Variants in SPOCK1 observed in about 807,000 individuals in gnomAD.
SPOCK1 encodes the protein testican-1.
In SPOCK1, 23 loss-of-function variants were observed where a neutral mutation model predicts 55.3. That is an observed-to-expected ratio of 0.42 (90% CI 0.30 to 0.59). SPOCK1 has a LOEUF of 0.59. Ranked by LOEUF, SPOCK1 falls within the 20% of genes least tolerant of loss-of-function variation. The pLI is 0.22. For synonymous variants in SPOCK1, 226 were observed against 221.0 expected (o/e 1.02, Z -0.20); for missense variants, 499 against 552.5 (o/e 0.90, Z 0.97).
chr5:137,396,801 A>G (rs1036754735), intron 2 of SPOCK1, among the ~76,000 whole-genome samples: 1 of 152,198 alleles, frequency 6.6e-6, no homozygotes, highest in Non-Finnish European at 1.5e-5. Context: ...TATTAATCTC[A>G]TGTGCATTGA....
At chr5:137,062,674 G>A (rs918060327) in intron 6 of SPOCK1, among the ~76,000 whole-genome samples, 4 of 151,894 alleles carry the variant, frequency 2.6e-5, no homozygotes, top group Admixed American at 2.0e-4. Flanking sequence ...TTTGCTGACG[G>A]GGCTGACTGT....
chr5:137,442,054 A>G (rs1753025667), intron 2 of SPOCK1, among the ~76,000 whole-genome samples: 1 of 152,206 alleles, frequency 6.6e-6, no homozygotes, highest in Non-Finnish European at 1.5e-5. Flanking sequence ...AAAGTCTGTC[A>G]GTGACAGGCC....
At chr5:137,040,210 T>C (rs969013771) in intron 6 of SPOCK1, among the ~76,000 whole-genome samples, 1 of 152,194 alleles carries the variant, frequency 6.6e-6, no homozygotes, top group African/African-American at 2.4e-5. Context: ...CCAGCTGAAG[T>C]GGGCCCACCC....
intron 3 of SPOCK1, among the ~76,000 whole-genome samples, chr5:137,229,137 T>C (rs1165197527): frequency 1.3e-5 from 2 of 152,172 alleles, no homozygotes; most frequent in Non-Finnish European, 2.9e-5. Context: ...CTATCTTGAC[T>C]GGGATACAGC....
intron 2 of SPOCK1, among the ~76,000 whole-genome samples, chr5:137,382,582 T>G (rs1323819941): frequency 6.6e-6 from 1 of 151,964 alleles, no homozygotes; most frequent in African/African-American, 2.4e-5. Flanking sequence ...TGGCAGAAGG[T>G]GAAGGGGAAG....
At chr5:137,348,833 T>C (rs1208690876) in intron 2 of SPOCK1, among the ~76,000 whole-genome samples, 1 of 152,164 alleles carries the variant, frequency 6.6e-6, no homozygotes, top group African/African-American at 2.4e-5. Context: ...TTCTGCAAAC[T>C]GGTGATTTCA....
chr5:137,245,623 G>T (rs1756378862), intron 3 of SPOCK1, among the ~76,000 whole-genome samples: 1 of 152,140 alleles, frequency 6.6e-6, no homozygotes, highest in Non-Finnish European at 1.5e-5. Flanking sequence ...CTTCCGCTTT[G>T]CAAAGGTGCA....
chr5:137,099,036 C>T (rs1265379050), intron 5 of SPOCK1, among the ~76,000 whole-genome samples: 2 of 152,226 alleles, frequency 1.3e-5, no homozygotes, highest in Admixed American at 6.5e-5. Flanking sequence ...GCTTCAAGTA[C>T]AGACTTTCTT....
At chr5:137,123,527 G>A (rs115157961) in intron 4 of SPOCK1, among the ~76,000 whole-genome samples, 1 of 152,156 alleles carries the variant, frequency 6.6e-6, no homozygotes, top group Non-Finnish European at 1.5e-5. Flanking sequence ...GCTCAAAATT[G>A]TGTCAGCACA....
At chr5:137,438,820 T>A (rs1227952981) in intron 2 of SPOCK1, among the ~76,000 whole-genome samples, 1 of 152,228 alleles carries the variant, frequency 6.6e-6, no homozygotes, top group Middle Eastern at 3.4e-3. Context: ...CTAGACAGAC[T>A]CCCCAATCAC....
chr5:137,188,257 A>G (rs1226867965), intron 3 of SPOCK1, among the ~76,000 whole-genome samples: 1 of 152,226 alleles, frequency 6.6e-6, no homozygotes. Flanking sequence ...CTTTCTGCCT[A>G]TACAGCATAT....
chr5:137,344,967 G>T (rs150608914), intron 2 of SPOCK1, among the ~76,000 whole-genome samples: 9 of 152,138 alleles, frequency 5.9e-5, no homozygotes, highest in African/African-American at 1.9e-4. Context: ...TTTATAGAAG[G>T]TTCTTAGGCA....
At chr5:137,067,595 C>A in intron 6 of SPOCK1, 120 bp downstream of exon 6, 1 of 777,964 alleles carries the variant, frequency 1.3e-6, no homozygotes, top group East Asian at 2.6e-5. Context: ...GAGTACTTAC[C>A]TGTCATGTCT....
chr5:137,030,498 C>A (rs1751759085), intron 6 of SPOCK1, among the ~76,000 whole-genome samples: 2 of 152,192 alleles, frequency 1.3e-5, no homozygotes, highest in Admixed American at 6.5e-5. Context: ...AATGTTCAAC[C>A]TCACAAGTAA....
intron 2 of SPOCK1, among the ~76,000 whole-genome samples, chr5:137,391,128 A>T (rs1751713723): frequency 2.0e-5 from 3 of 151,394 alleles, no homozygotes; most frequent in Admixed American, 1.3e-4. Context: ...TTCTATTCCC[A>T]CTTATGAGCG....
chr5:137,146,869 A>G lies in SPOCK1; in HGVS notation c.233-6175T>C, dbSNP rs1182448335. On this transcript the variant is annotated intron_variant, in intron 3 of 10. Transcript: ENST00000394945. ...CATGTGCCTGGATAGGGCAGAGAGC[A>G]GAGTGGCATAAAGGTTGGACTCATG... is the stretch of plus-strand genomic sequence containing the variant. Among the ~76,000 whole-genome samples, 4 of 152,212 alleles carry G rather than the reference A, an allele frequency of 2.6e-5. No homozygotes were observed. The East Asian group carries it at 7.7e-4, about 29-fold the overall frequency.
At chr5:137,425,501 G>A (rs1161395401) in intron 2 of SPOCK1, among the ~76,000 whole-genome samples, 1 of 151,662 alleles carries the variant, frequency 6.6e-6, no homozygotes, top group Non-Finnish European at 1.5e-5. Context: ...TGAAGCAAAT[G>A]ACAACTCTAA....
chr5:137,146,480 G>A (rs767974926), intron 3 of SPOCK1, among the ~76,000 whole-genome samples: 2 of 152,138 alleles, frequency 1.3e-5, no homozygotes, highest in African/African-American at 4.8e-5. Flanking sequence ...TGAGTCATGC[G>A]ATCCCAAGGT....
intron 2 of SPOCK1, among the ~76,000 whole-genome samples, chr5:137,458,721 G>A (rs1358405527): frequency 6.6e-6 from 1 of 152,150 alleles, no homozygotes; most frequent in African/African-American, 2.4e-5. Context: ...ATTCTTGGGT[G>A]TATCACATTG....
Sources: allele counts gnomAD v4.1 joint callset (sites outside exome capture counted in the v4.1 genomes callset), GRCh38; gene constraint gnomAD v4.1.1; transcripts MANE v1.5; gene names NCBI Gene and HGNC (gene_info 2026-07-23, HGNC 2026-07-21).